Variants in EXOC6B observed in about 807,000 individuals in gnomAD.
The protein encoded by EXOC6B is exocyst complex component 6B.
EXOC6B carries 54 observed loss-of-function variants against 113.5 expected under a neutral mutation model. The observed-to-expected ratio is 0.48, with a 90% confidence interval of 0.38 to 0.60. The LOEUF (loss-of-function observed/expected upper bound fraction) is 0.60, where lower values mean the gene tolerates loss of function less well. Among genes scored for constraint, EXOC6B ranks in the 20% least tolerant of loss-of-function variants. The pLI, the probability that EXOC6B is intolerant of heterozygous loss-of-function variation, is 0.00. For synonymous variants in EXOC6B, 357 were observed against 339.0 expected (o/e 1.05, Z -0.58); for missense variants, 797 against 977.5 (o/e 0.82, Z 2.46).
intron 6 of EXOC6B, among the ~76,000 whole-genome samples, chr2:72,649,999 T>C (rs1275772758): frequency 6.6e-6 from 1 of 152,236 alleles, no homozygotes; most frequent in Non-Finnish European, 1.5e-5. Flanking sequence ...CACGGGCCAG[T>C]ACCGGTCCAT....
rs374357839 is a variant in EXOC6B, at chr2:72,400,534, C to T, written c.1981-20664G>A. ...CAGAATGGGAGAAAATGTTTGCAAG[C>T]TATGCATCTGACAAAGGACAAATAT... On this transcript the variant is annotated intron_variant, in intron 18 of 21. Transcript: ENST00000272427. Among the ~76,000 whole-genome samples, 5 of 151,792 alleles carry T rather than the reference C, an allele frequency of 3.3e-5. No homozygotes were observed. In the East Asian group the frequency reaches 5.8e-4, roughly 18 times the overall value.
chr2:72,221,029 T>C (rs1412568178), intron 20 of EXOC6B, among the ~76,000 whole-genome samples: 1 of 152,220 alleles, frequency 6.6e-6, no homozygotes, highest in African/African-American at 2.4e-5. Flanking sequence ...TAGATTACTG[T>C]AAACCATAGT....
Position 72,823,486 on chromosome 2 carries a change from CA to C in EXOC6B, c.113+2311del, listed in dbSNP as rs1334851778. 2.1e-4 allele frequency among the ~76,000 whole-genome samples: 20 copies of C among 97,018 alleles called. 1 individual carries two copies. Among genetic ancestry groups the C allele is most frequent in the African/African-American group, 7.8e-4 (20 of 25,788 alleles). The allele number at this position is 97,018 out of a possible 152,430, so 63.6% of individuals were successfully genotyped here. ...AAAAAAAAAAAAAAAAAACAAAAAA[CA>C]AAAAAAAAGACAGTGGCCAGGCACA... On this transcript the variant is annotated intron_variant, in intron 1 of 21. Transcript: ENST00000272427.
intron 20 of EXOC6B, among the ~76,000 whole-genome samples, chr2:72,212,227 T>C (rs1426812834): frequency 6.6e-6 from 1 of 152,178 alleles, no homozygotes; most frequent in Non-Finnish European, 1.5e-5. Flanking sequence ...AACATTGTTT[T>C]CAAAGGGTGT....
At chr2:72,481,602 G>A (rs1489944618) in intron 16 of EXOC6B, among the ~76,000 whole-genome samples, 1 of 152,136 alleles carries the variant, frequency 6.6e-6, no homozygotes. Context: ...GAAAGAACAT[G>A]GGCATCAAAG....
chr2:72,398,794 T>C (rs1692933555), intron 18 of EXOC6B, among the ~76,000 whole-genome samples: 2 of 150,688 alleles, frequency 1.3e-5, no homozygotes. Flanking sequence ...TCCTGATTAC[T>C]ACAGCATTTG....
chr2:72,790,218 A>T (rs1684599723), intron 1 of EXOC6B, among the ~76,000 whole-genome samples: 1 of 152,222 alleles, frequency 6.6e-6, no homozygotes, highest in South Asian at 2.1e-4. Context: ...CTTTGGTGAG[A>T]TAATTCTTTA....
intron 6 of EXOC6B, among the ~76,000 whole-genome samples, chr2:72,664,445 G>A (rs913035455): frequency 2.0e-5 from 3 of 152,110 alleles, no homozygotes; most frequent in Admixed American, 6.5e-5. Flanking sequence ...CTCTTGCCAC[G>A]AAACTCTGGG....
At chr2:72,742,961 T>C (rs190341542) in intron 1 of EXOC6B, among the ~76,000 whole-genome samples, 78 of 152,274 alleles carry the variant, frequency 5.1e-4, no homozygotes, top group Admixed American at 4.2e-3. Flanking sequence ...TTATTACTAA[T>C]GTATCTCCAC....
At position 72,795,532 on chromosome 2, in the gene EXOC6B, C is replaced by T. The variant is rs1013977778; in HGVS notation, c.113+30266G>A. Among the ~76,000 whole-genome samples the T allele has an allele frequency of 3.4e-4, 52 of 151,950 alleles. 1 individual carries two copies. Among genetic ancestry groups the T allele is most frequent in the African/African-American group, 1.2e-3 (50 of 41,366 alleles). On this transcript the variant is annotated intron_variant, in intron 1 of 21. Coordinates refer to ENST00000272427, the MANE Select transcript of EXOC6B (RefSeq NM_015189.3). ...CAGAGTTTGCAGTGAGCCGAGATCA[C>T]GCCACTGCACTCCAGCCTGGGCAGC...
chr2:72,470,103 T>C (rs1196872515), intron 17 of EXOC6B, among the ~76,000 whole-genome samples: 1 of 152,148 alleles, frequency 6.6e-6, no homozygotes, highest in Non-Finnish European at 1.5e-5. Flanking sequence ...TTGTTTTTTC[T>C]ATTTCTGTAA....
intron 20 of EXOC6B, among the ~76,000 whole-genome samples, chr2:72,289,408 G>C (rs1172359640): frequency 6.6e-6 from 1 of 152,088 alleles, no homozygotes; most frequent in Non-Finnish European, 1.5e-5. Flanking sequence ...TGTACTGCTT[G>C]AGATCCTCTA....
chr2:72,583,220 C>CT lies in EXOC6B; in HGVS notation c.670-7553_670-7552insA, dbSNP rs1573437216. On this transcript the variant is annotated intron_variant, in intron 6 of 21. Transcript: ENST00000272427. ...TATGAGATTATGTAAAACAACCAAA[C>CT]CTATGAATTACTGGCATTCCTAAGA... is the stretch of plus-strand genomic sequence containing the variant. Among the ~76,000 whole-genome samples, 6 of 152,268 alleles carry CT rather than the reference C, an allele frequency of 3.9e-5. No homozygotes were observed. In the East Asian group the frequency reaches 1.2e-3, roughly 29 times the overall value.
chr2:72,429,541 A>G (rs1695400503), intron 18 of EXOC6B, among the ~76,000 whole-genome samples: 1 of 152,206 alleles, frequency 6.6e-6, no homozygotes, highest in African/African-American at 2.4e-5. Flanking sequence ...AGCTTTCACA[A>G]CCATTATTTT....
chr2:72,203,163 A>T (rs913302066), intron 20 of EXOC6B, among the ~76,000 whole-genome samples: 2 of 152,198 alleles, frequency 1.3e-5, no homozygotes, highest in African/African-American at 2.4e-5. Context: ...ACTTCTTCAC[A>T]CTTGCTGTTC....
At chr2:72,405,326 C>G (rs1693659101) in intron 18 of EXOC6B, among the ~76,000 whole-genome samples, 1 of 152,160 alleles carries the variant, frequency 6.6e-6, no homozygotes, top group Non-Finnish European at 1.5e-5. Flanking sequence ...GGCAGGCCAG[C>G]ATTCAAATTC....
chr2:72,617,426 C>T (rs1461753182), intron 6 of EXOC6B, among the ~76,000 whole-genome samples: 3 of 152,136 alleles, frequency 2.0e-5, no homozygotes, highest in Admixed American at 6.6e-5. Flanking sequence ...GAGGGACCCA[C>T]CCCTGCAGCA....
At position 72,741,345 on chromosome 2, in the gene EXOC6B, T is replaced by C; in HGVS notation, c.238A>G (p.Thr80Ala). The change falls in exon 2 of 22, where the codon ACT becomes GCT. Residue 80 changes from threonine to alanine, a missense_variant. Physicochemically the swap from Thr to Ala is moderately conservative, Grantham distance 58. Transcript: ENST00000272427. Reference protein sequence around the residue: ...FHYQGFVDSITELLKVRGEAQ... With the variant: ...FHYQGFVDSIAELLKVRGEAQ... ...TCTCCTCTCACTTTCAGCAGTTCAGTTATAGAGTCCACAAAGCCCTGGTAA... is the reference window on the plus strand; with the variant it reads ...TCTCCTCTCACTTTCAGCAGTTCAGCTATAGAGTCCACAAAGCCCTGGTAA... The C allele has an allele frequency of 6.2e-7, 1 of 1,613,818 alleles. No individual in the cohort carries two copies. Among genetic ancestry groups the C allele is most frequent in the Non-Finnish European group, 8.5e-7 (1 of 1,179,826 alleles).
intron 19 of EXOC6B, among the ~76,000 whole-genome samples, chr2:72,346,082 A>C (rs1344797483): frequency 6.6e-6 from 1 of 151,926 alleles, no homozygotes; most frequent in Non-Finnish European, 1.5e-5. Flanking sequence ...TTTTTTTTTT[A>C]ATAGGAAATG....
Sources: gnomAD v4.1 joint callset for allele counts (sites outside exome capture counted in the v4.1 genomes callset) on GRCh38, gnomAD v4.1.1 for gene constraint, MANE v1.5 for transcripts, NCBI Gene and HGNC (gene_info 2026-07-23, HGNC 2026-07-21) for gene names.